Variants in DCC observed in about 807,000 individuals in gnomAD.
The protein encoded by DCC is DCC netrin 1 receptor.
Under a neutral mutation model 172.5 loss-of-function variants are expected in DCC, and 58 were observed. The observed-to-expected ratio is 0.34, with a 90% CI of 0.27 to 0.42. The LOEUF (loss-of-function observed/expected upper bound fraction) is 0.42, where lower values mean the gene tolerates loss of function less well. DCC is among the 10% of genes least tolerant of loss of function. The pLI is 1.00. For synonymous variants in DCC, 709 were observed against 644.5 expected (o/e 1.10, Z -1.52); for missense variants, 1,740 against 1,791.0 (o/e 0.97, Z 0.51).
intron 7 of DCC, among the ~76,000 whole-genome samples, chr18:53,120,796 G>A (rs1449762395): frequency 1.3e-5 from 2 of 151,716 alleles, no homozygotes. Flanking sequence ...TGGTTGGGTG[G>A]GAGGAGAATG....
intron 16 of DCC, among the ~76,000 whole-genome samples, chr18:53,387,254 G>A (rs1390068684): frequency 6.6e-6 from 1 of 152,174 alleles, no homozygotes; most frequent in Non-Finnish European, 1.5e-5. Flanking sequence ...ACTATCTTAA[G>A]AATACAGTTG....
intron 5 of DCC, among the ~76,000 whole-genome samples, chr18:53,001,772 T>C (rs2041567664): frequency 6.6e-6 from 1 of 152,114 alleles, no homozygotes; most frequent in Non-Finnish European, 1.5e-5. Flanking sequence ...AATTTTTCTT[T>C]GGTTATGTTT....
At chr18:52,764,486 G>A (rs187591994) in intron 2 of DCC, among the ~76,000 whole-genome samples, 1 of 152,328 alleles carries the variant, frequency 6.6e-6, no homozygotes, top group East Asian at 1.9e-4. Context: ...CATCCTCACA[G>A]TGATAAATGA....
chr18:52,959,319 C>T (rs1315830733), intron 5 of DCC, among the ~76,000 whole-genome samples: 1 of 151,954 alleles, frequency 6.6e-6, no homozygotes, highest in Non-Finnish European at 1.5e-5. Flanking sequence ...TAAGCCAGTC[C>T]CAGAAAATTG....
At chr18:52,713,038 A>G (rs1015515357) in intron 1 of DCC, among the ~76,000 whole-genome samples, 1 of 152,066 alleles carries the variant, frequency 6.6e-6, no homozygotes, top group Non-Finnish European at 1.5e-5. Context: ...CCTAATTGGT[A>G]GAGAGAGGCC....
intron 1 of DCC, among the ~76,000 whole-genome samples, chr18:52,342,800 C>G (rs1003142660): frequency 1.3e-5 from 2 of 152,182 alleles, no homozygotes. Flanking sequence ...TGACTTTTGT[C>G]TGGCATAGGG....
intron 3 of DCC, among the ~76,000 whole-genome samples, chr18:52,912,918 A>G (rs1219671461): frequency 6.6e-6 from 1 of 152,068 alleles, no homozygotes; most frequent in Non-Finnish European, 1.5e-5. Flanking sequence ...CTATAACACA[A>G]TAATTAATGG....
intron 1 of DCC, among the ~76,000 whole-genome samples, chr18:52,608,242 G>A (rs1012106899): frequency 6.6e-6 from 1 of 152,052 alleles, no homozygotes; most frequent in Non-Finnish European, 1.5e-5. Context: ...ATATTAATGA[G>A]CATCATGTAT....
intron 23 of DCC, among the ~76,000 whole-genome samples, chr18:53,457,535 T>C (rs1382856614): frequency 2.0e-5 from 3 of 152,182 alleles, no homozygotes; most frequent in Non-Finnish European, 4.4e-5. Context: ...ATTTTGATCT[T>C]CTAGAAAGAG....
chr18:53,352,561 A>T (rs945027401), intron 15 of DCC, among the ~76,000 whole-genome samples: 1 of 152,128 alleles, frequency 6.6e-6, no homozygotes, highest in Admixed American at 6.6e-5. Context: ...TATACATATC[A>T]TGCTATAATG....
chr18:53,345,510 A>C (rs771360963), intron 15 of DCC, among the ~76,000 whole-genome samples: 18 of 152,272 alleles, frequency 1.2e-4, no homozygotes, highest in Middle Eastern at 3.4e-3. Context: ...TTTTTAAGAC[A>C]TAAGGGGAAA....
At chr18:52,857,915 G>A (rs1326156297) in intron 2 of DCC, among the ~76,000 whole-genome samples, 1 of 152,102 alleles carries the variant, frequency 6.6e-6, no homozygotes, top group African/African-American at 2.4e-5. Flanking sequence ...TGTTGGTCGT[G>A]AGTTTTTCAA....
intron 23 of DCC, among the ~76,000 whole-genome samples, chr18:53,457,620 A>T (rs1055922144): frequency 6.6e-6 from 1 of 152,208 alleles, no homozygotes; most frequent in Non-Finnish European, 1.5e-5. Flanking sequence ...TAGATTACAC[A>T]GGGAGCTGTG....
chr18:52,965,334 T>A (rs541790627), intron 5 of DCC, among the ~76,000 whole-genome samples: 1 of 152,082 alleles, frequency 6.6e-6, no homozygotes, highest in East Asian at 1.9e-4. Context: ...AGAAAGGACA[T>A]GCTTGATTTT....
intron 2 of DCC, among the ~76,000 whole-genome samples, chr18:52,774,771 G>A (rs920332336): frequency 2.7e-4 from 7 of 25,810 alleles, no homozygotes; most frequent in Non-Finnish European, 3.8e-4. Context: ...TTAAGGAGAG[G>A]TGCCCCTGAA....
intron 1 of DCC, among the ~76,000 whole-genome samples, chr18:52,503,133 C>G (rs1425487449): frequency 6.6e-6 from 1 of 152,152 alleles, no homozygotes; most frequent in Non-Finnish European, 1.5e-5. Context: ...TAAACAACCA[C>G]AGCAACATCT....
chr18:52,872,240 G>A (rs2039331532), intron 2 of DCC, among the ~76,000 whole-genome samples: 1 of 152,090 alleles, frequency 6.6e-6, no homozygotes, highest in South Asian at 2.1e-4. Flanking sequence ...GTTATGGGAG[G>A]GGAAGAAAAG....
intron 1 of DCC, among the ~76,000 whole-genome samples, chr18:52,625,739 A>T (rs988142437): frequency 6.6e-6 from 1 of 152,020 alleles, no homozygotes; most frequent in Non-Finnish European, 1.5e-5. Context: ...TTCATTTCCC[A>T]TTCACTCTGA....
At chr18:52,478,585 A>C (rs28725374) in intron 1 of DCC, among the ~76,000 whole-genome samples, 74 of 152,332 alleles carry the variant, frequency 4.9e-4, no homozygotes, top group African/African-American at 1.6e-3. Flanking sequence ...ATGAATCTGC[A>C]GGCTGTACAG....
Sources: gnomAD v4.1 joint callset for allele counts (sites outside exome capture counted in the v4.1 genomes callset) on GRCh38, gnomAD v4.1.1 for gene constraint, MANE v1.5 for transcripts, NCBI Gene and HGNC (gene_info 2026-07-23, HGNC 2026-07-21) for gene names.